The following GFM1 variants were observed in gnomAD, a reference collection of about 807,000 sequenced individuals.
GFM1 encodes the protein G elongation factor mitochondrial 1.
GFM1 carries 62 observed loss-of-function variants against 96.2 expected under a neutral mutation model. The observed-to-expected ratio is 0.64, with a 90% CI of 0.53 to 0.80. The LOEUF (loss-of-function observed/expected upper bound fraction) is 0.80, where lower values mean the gene tolerates loss of function less well. Ranked by LOEUF, GFM1 falls within the 30% of genes least tolerant of loss-of-function variation. The pLI is 0.00. For missense variants in GFM1, 852 were observed against 916.6 expected (o/e 0.93, Z 0.91); for synonymous variants, 282 against 312.9 (o/e 0.90, Z 1.04).
At position 158,695,573 on chromosome 3, in the gene GFM1, G is replaced by A. The variant is rs778111759; in HGVS notation, c.*4106G>A. On this transcript the variant is annotated 3_prime_UTR_variant, in exon 18 of 18. Coordinates refer to ENST00000486715, the MANE Select transcript of GFM1 (RefSeq NM_024996.7). ...ATAAATCTGCTAAAAGGTTACCTTA[G>A]AAACATTACCTGGTTGGATTATGGA... 6.6e-6 allele frequency: 1 copy of A among 152,090 alleles called. No individual in the cohort carries two copies. Among genetic ancestry groups the A allele is most frequent in the Non-Finnish European group, 1.5e-5 (1 of 68,018 alleles). The allele number at this position is 152,090 out of a possible 1,614,324, so 9.4% of individuals were successfully genotyped here. A position where few individuals can be genotyped will look rare whatever the true frequency, so the allele number is the denominator to read the frequency against.
chr3:158,667,097 G>A lies in GFM1; in HGVS notation c.1601+711G>A, dbSNP rs139523092. On this transcript the variant is annotated intron_variant, in intron 13 of 17. Coordinates refer to ENST00000486715, the MANE Select transcript of GFM1 (RefSeq NM_024996.7). ...TTGCTATGACAAAAAATAAAAACGT[G>A]TTGTTTAAAACTTAATATCTTTGGC... The A allele has an allele frequency of 7.3e-4, 1,136 of 1,561,926 alleles. 12 individuals are homozygous for A. In the African/African-American group the frequency reaches 0.013, roughly 17 times the overall value.
In GFM1 at chr3:158,691,124, T is replaced by C. The variant is rs1265377766; in HGVS notation, c.2071-15T>C. On this transcript the variant is annotated splice_polypyrimidine_tract_variant and intron_variant, in intron 16 of 17. Coordinates refer to ENST00000486715, the MANE Select transcript of GFM1 (RefSeq NM_024996.7). ...CAATAAGCAGTGCTAAAATATCTAC[T>C]ATGTTTGTTTTCAGGTCCCTCTAAA... is the stretch of plus-strand genomic sequence containing the variant. 4 of 1,584,668 alleles carry C rather than the reference T, an allele frequency of 2.5e-6. No individual in the cohort carries two copies. The highest frequency in any genetic ancestry group is 1.7e-5 in the Admixed American group (1 of 59,942).
chr3:158,678,250 C>T (rs1194555389), intron 13 of GFM1, among the ~76,000 whole-genome samples: 1 of 152,186 alleles, frequency 6.6e-6, no homozygotes, highest in Non-Finnish European at 1.5e-5. Context: ...TCTGCAATCC[C>T]TGGATCAAAG....
chr3:158,686,452 C>G (rs537628325), intron 15 of GFM1, among the ~76,000 whole-genome samples: 31 of 149,168 alleles, frequency 2.1e-4, no homozygotes, highest in African/African-American at 6.3e-4. Flanking sequence ...GGATGCAATG[C>G]ACCATCCAAA....
rs537759622 is a variant in GFM1 at position 158,672,575 on chromosome 3, C to T, written c.1601+6189C>T. 25 of 1,508,786 alleles carry T rather than the reference C, an allele frequency of 1.7e-5. No individual in the cohort carries two copies. In the African/African-American group the frequency reaches 2.8e-4, roughly 17 times the overall value. 93.5% of individuals were successfully genotyped at this position (1,508,786 alleles called of 1,614,324 possible). On this transcript the variant is annotated intron_variant, in intron 13 of 17. Transcript: ENST00000486715. ...CCTGCTTGCTGCTGGGTCCGGTTGCCGAGGCGGAAAAGTCGCAAGCTCCTT... is the reference window on the plus strand; with the variant it reads ...CCTGCTTGCTGCTGGGTCCGGTTGCTGAGGCGGAAAAGTCGCAAGCTCCTT...
At chr3:158,672,216 C>T in intron 13 of GFM1, 1 of 1,087,308 alleles carries the variant, frequency 9.2e-7, no homozygotes, top group Non-Finnish European at 1.3e-6. Context: ...GACCAGATAC[C>T]AGCAGTGTGT....
chr3:158,648,678 CAAAAAAAAAA>C (rs9331287), intron 4 of GFM1, among the ~76,000 whole-genome samples: 3 of 102,784 alleles, frequency 2.9e-5, no homozygotes, highest in Non-Finnish European at 4.0e-5. Flanking sequence ...ACTCTTGTCT[CAAAAAAAAAA>C]AAAAAAAAAA....
chr3:158,649,369 A>G (rs1722110935), intron 5 of GFM1: 1 of 426,388 alleles, frequency 2.3e-6, no homozygotes, highest in Non-Finnish European at 4.3e-6. Context: ...TTTTTGGGTA[A>G]TATACCCATA....
At chr3:158,661,919 A>C (rs868790947) in intron 10 of GFM1, among the ~76,000 whole-genome samples, 9 of 152,232 alleles carry the variant, frequency 5.9e-5, no homozygotes, top group African/African-American at 2.2e-4. Flanking sequence ...AAAAACATAA[A>C]TCTATACAAT....
chr3:158,675,446 A>G (rs1724808579), intron 13 of GFM1, among the ~76,000 whole-genome samples: 1 of 151,906 alleles, frequency 6.6e-6, no homozygotes, highest in African/African-American at 2.4e-5. Flanking sequence ...GTAACAAAAT[A>G]ATATTTATTT....
At chr3:158,677,791 C>A (rs1168253755) in intron 13 of GFM1, among the ~76,000 whole-genome samples, 1 of 152,362 alleles carries the variant, frequency 6.6e-6, no homozygotes, top group East Asian at 1.9e-4. Context: ...CATGAGCCAC[C>A]ATGCCTGGCC....
At chr3:158,661,114 T>C in intron 10 of GFM1, 139 bp downstream of exon 10, 1 of 716,418 alleles carries the variant, frequency 1.4e-6, no homozygotes. Context: ...TTGTGGCTCT[T>C]TGAATGTTGG....
rs1464235697 is a variant in GFM1 at position 158,660,970 on chromosome 3, T to G, written c.1318T>G (p.Ser440Ala). The G allele has an allele frequency of 3.1e-6, 5 of 1,612,450 alleles. No homozygotes were observed. Among genetic ancestry groups the G allele is most frequent in the Non-Finnish European group, 4.2e-6 (5 of 1,178,444 alleles). Residue 440 changes from serine to alanine, a missense_variant, in exon 10 of 18, where the codon TCT (serine) becomes GCT (alanine). Physicochemically the swap from Ser to Ala is moderately conservative, Grantham distance 99. Transcript: ENST00000486715. ...TFTDKANSGLSMESIHVPDPV... is the reference protein window; with the variant it reads ...TFTDKANSGLAMESIHVPDPV... The stretch of plus-strand genomic sequence containing the variant: ...CACAGACAAAGCCAACAGCGGCCTT[T>G]CTATGGTAAGCCATTTAATTTCAAA...
chr3:158,666,474 CA>C, intron 13 of GFM1, 88 bp downstream of exon 13: 1 of 1,219,344 alleles, frequency 8.2e-7, no homozygotes, highest in Non-Finnish European at 1.2e-6. Flanking sequence ...GTTTTAAAGA[CA>C]TTTTTATGTA....
Position 158,653,394 on chromosome 3 carries a change from C to T in GFM1, c.925C>T (p.Leu309Phe). The part of the protein sequence containing the change: ...SALKNKGVQP[L>F]LDAVLEYLPN... Reference sequence around the variant, plus strand: ...CTTGAAGAACAAAGGAGTTCAGCCTCTTTTAGATGCTGTTTTAGAATACCT... The same window carrying T: ...CTTGAAGAACAAAGGAGTTCAGCCTTTTTTAGATGCTGTTTTAGAATACCT... Residue 309 changes from leucine (L) to phenylalanine (F), a missense_variant, in exon 7 of 18, where the codon CTT (leucine) becomes TTT (phenylalanine). By Grantham distance (22) the Leu-to-Phe change is conservative. Transcript: ENST00000486715. The T allele has an allele frequency of 1.2e-6, 2 of 1,613,114 alleles. No individual in the cohort carries two copies. The highest frequency in any genetic ancestry group is 2.2e-5 in the South Asian group (2 of 91,062).
Position 158,684,661 on chromosome 3 carries a change from TAAAC to T in GFM1, c.1905_1908del (p.Gln636ProfsTer19). Reference sequence around the variant, plus strand: ...TCATCCGAGCAGGAGAAGGTGCTCTTAAACAAGGTATGCTGGGTCCGGGCACCTT... The same window carrying T: ...TCATCCGAGCAGGAGAAGGTGCTCTTAAGGTATGCTGGGTCCGGGCACCTT... On this transcript the variant is annotated frameshift_variant, in exon 15 of 18. Coordinates refer to ENST00000486715, the MANE Select transcript of GFM1 (RefSeq NM_024996.7). LOFTEE classifies it high-confidence loss of function. The T allele has an allele frequency of 6.2e-7, 1 of 1,614,054 alleles. No homozygotes were observed. Among genetic ancestry groups the T allele is most frequent in the Non-Finnish European group, 8.5e-7 (1 of 1,179,952 alleles).
chr3:158,674,577 A>T (rs1724706861), intron 13 of GFM1, among the ~76,000 whole-genome samples: 1 of 152,222 alleles, frequency 6.6e-6, no homozygotes, highest in Non-Finnish European at 1.5e-5. Context: ...CCAGAAATAA[A>T]AAAATAAGAC....
At chr3:158,656,041 G>A in intron 8 of GFM1, 1 of 399,150 alleles carries the variant, frequency 2.5e-6, no homozygotes. Flanking sequence ...GATTAGATTG[G>A]AGTCATGTGT....
In GFM1 at chr3:158,691,585, G is replaced by T. The variant is rs935808240; in HGVS notation, c.*118G>T. Reference sequence around the variant, plus strand: ...CAAGAAATTCTGAGCCCAGGAAGCGGGCTCTTCTTTCTTCAAAAGAAGCCC... The same window carrying T: ...CAAGAAATTCTGAGCCCAGGAAGCGTGCTCTTCTTTCTTCAAAAGAAGCCC... On this transcript the variant is annotated 3_prime_UTR_variant, in exon 18 of 18. Coordinates refer to ENST00000486715, the MANE Select transcript of GFM1 (RefSeq NM_024996.7). 1 of 1,150,060 alleles carries T rather than the reference G, an allele frequency of 8.7e-7. No individual in the cohort carries two copies. The allele number at this position is 1,150,060 out of a possible 1,614,324, so 71.2% of individuals were successfully genotyped here.
Sources: gnomAD v4.1 joint callset for allele counts (sites outside exome capture counted in the v4.1 genomes callset) on GRCh38, gnomAD v4.1.1 for gene constraint, MANE v1.5 for transcripts, NCBI Gene and HGNC (gene_info 2026-07-23, HGNC 2026-07-21) for gene names.